CLSTN2: variants seen among roughly 807,000 people sequenced by gnomAD.
CLSTN2 encodes the protein calsyntenin 2.
CLSTN2 carries 48 observed loss-of-function variants against 101.2 expected under a neutral mutation model. The observed-to-expected ratio is 0.47, with a 90% CI of 0.38 to 0.60. The LOEUF (loss-of-function observed/expected upper bound fraction) is 0.60. Among genes scored for constraint, CLSTN2 ranks in the 20% least tolerant of loss-of-function variants. The pLI is 0.00. For missense variants in CLSTN2, 1,160 were observed against 1,238.2 expected, an observed-to-expected ratio of 0.94 and a Z score of 0.95; for synonymous variants, 481 against 463.6, an observed-to-expected ratio of 1.04 and a Z score of -0.48.
intron 2 of CLSTN2, among the ~76,000 whole-genome samples, chr3:140,334,088 C>T (rs1188647516): frequency 6.6e-6 from 1 of 152,162 alleles, no homozygotes; most frequent in African/African-American, 2.4e-5. Flanking sequence ...TTGGATATAG[C>T]TGCTTAACTT....
rs144431766 is a variant in CLSTN2, at chr3:140,538,480, G to A, written c.1507+5994G>A. On this transcript the variant is annotated intron_variant, in intron 9 of 16. Transcript: ENST00000458420. ...AGGAAGGGTCAAAAAGGGATAAGAA[G>A]GCAGAAATAACCCCTGAGAGTTGCA... Among the ~76,000 whole-genome samples the A allele has an allele frequency of 4.1e-4, 62 of 152,302 alleles. 1 individual carries two copies. In the East Asian group the frequency reaches 0.011, roughly 28 times the overall value.
chr3:140,402,969 C>T (rs1490869523), intron 2 of CLSTN2, among the ~76,000 whole-genome samples: 1 of 152,094 alleles, frequency 6.6e-6, no homozygotes, highest in Non-Finnish European at 1.5e-5. Context: ...AAATTTTCAG[C>T]ACTTCCCAAG....
chr3:140,463,852 G>A (rs1576582237), intron 7 of CLSTN2, among the ~76,000 whole-genome samples: 1 of 152,344 alleles, frequency 6.6e-6, no homozygotes, highest in South Asian at 2.1e-4. Flanking sequence ...AGGAAGAGGG[G>A]TCCCAGTAGC....
chr3:140,405,127 C>T (rs1426177175), intron 4 of CLSTN2, among the ~76,000 whole-genome samples: 1 of 152,144 alleles, frequency 6.6e-6, no homozygotes, highest in Non-Finnish European at 1.5e-5. Context: ...GGGTCCGTTT[C>T]CTATGTAATA....
chr3:140,358,542 T>A (rs920785655), intron 2 of CLSTN2, among the ~76,000 whole-genome samples: 1 of 152,148 alleles, frequency 6.6e-6, no homozygotes, highest in African/African-American at 2.4e-5. Flanking sequence ...CTTTCAGCCA[T>A]GGAAATGTGA....
intron 5 of CLSTN2, among the ~76,000 whole-genome samples, chr3:140,441,498 G>A (rs942452850): frequency 2.0e-5 from 3 of 152,222 alleles, no homozygotes; most frequent in Admixed American, 6.5e-5. Flanking sequence ...ATGTAGTTAT[G>A]CTGTTTTCCC....
At chr3:140,058,703 C>A (rs2008142485) in intron 1 of CLSTN2, among the ~76,000 whole-genome samples, 1 of 150,844 alleles carries the variant, frequency 6.6e-6, no homozygotes, top group Non-Finnish European at 1.5e-5. Context: ...GGGAGATATG[C>A]AAAATTTTGT....
At chr3:139,947,284 A>G (rs73867236) in intron 1 of CLSTN2, among the ~76,000 whole-genome samples, 5,539 of 152,312 alleles carry the variant, frequency 0.036, 314 homozygotes, top group African/African-American at 0.12. Flanking sequence ...CCTCCCAGCC[A>G]ACATGCAAGG....
chr3:140,326,182 C>T (rs752515245), intron 2 of CLSTN2, among the ~76,000 whole-genome samples: 28 of 152,262 alleles, frequency 1.8e-4, no homozygotes, highest in Non-Finnish European at 3.5e-4. Context: ...CTCTTTTGAG[C>T]CTTGAATACT....
At chr3:140,563,262 AT>A (rs1935954915) in intron 15 of CLSTN2, 59 bp downstream of exon 15, 1 of 1,577,284 alleles carries the variant, frequency 6.3e-7, no homozygotes, top group Non-Finnish European at 8.7e-7. Context: ...ACTCAAGATT[AT>A]CTACTCAACA....
intron 1 of CLSTN2, among the ~76,000 whole-genome samples, chr3:140,093,657 A>G (rs755144793): frequency 3.9e-5 from 6 of 152,116 alleles, no homozygotes; most frequent in Non-Finnish European, 5.9e-5. Flanking sequence ...GGGGTGGGGA[A>G]AAACCATGGT....
rs60541490 is a variant in CLSTN2 at position 139,998,336 on chromosome 3, C to CTTTTTTTTTTTTTTTTTTTTTTT, written c.109+62873_109+62874insTTTTTTTTTTTTTTTTTTTTTTT. Reference sequence around the variant, plus strand: ...ATGGGATAATAGTTCCCCCACATGCCTTTTTTTTTTTTTTTTTTTTGTGAC... The same window carrying CTTTTTTTTTTTTTTTTTTTTTTT: ...ATGGGATAATAGTTCCCCCACATGCCTTTTTTTTTTTTTTTTTTTTTTTTTTTTTTTTTTTTTTTTTTTGTGAC... On this transcript the variant is annotated intron_variant, in intron 1 of 16. Coordinates refer to ENST00000458420, the MANE Select transcript of CLSTN2 (RefSeq NM_022131.3). Among the ~76,000 whole-genome samples, 159 of 66,802 alleles carry CTTTTTTTTTTTTTTTTTTTTTTT rather than the reference C, an allele frequency of 2.4e-3. 19 individuals carry two copies. The highest frequency in any genetic ancestry group is 2.9e-3 in the South Asian group (4 of 1,364). 43.8% of individuals were successfully genotyped at this position (66,802 alleles called of 152,430 possible). A position where few individuals can be genotyped will look rare whatever the true frequency, so the allele number is the denominator to read the frequency against.
chr3:140,472,689 A>G (rs2108025142), intron 8 of CLSTN2, among the ~76,000 whole-genome samples: 1 of 151,500 alleles, frequency 6.6e-6, no homozygotes, highest in Middle Eastern at 3.4e-3. Flanking sequence ...AGGGGGAAGG[A>G]TGTCCAGAAT....
intron 8 of CLSTN2, among the ~76,000 whole-genome samples, chr3:140,470,373 A>C (rs954535428): frequency 8.5e-5 from 13 of 152,206 alleles, no homozygotes; most frequent in Admixed American, 2.0e-4. Flanking sequence ...ATGCAGGGGC[A>C]CCTGGGGCTG....
rs116477632 is a variant in CLSTN2 at position 140,361,561 on chromosome 3, C to T, written c.233-42068C>T. Among the ~76,000 whole-genome samples, 548 of 152,160 alleles carry T rather than the reference C, an allele frequency of 3.6e-3. 3 individuals are homozygous for T. The highest frequency in any genetic ancestry group is 0.012 in the African/African-American group (493 of 41,506). On this transcript the variant is annotated intron_variant, in intron 2 of 16. Transcript: ENST00000458420. The stretch of plus-strand genomic sequence containing the variant: ...TAAAACTATCTTTATGCATAGAGAA[C>T]GTGAACCTGGATGTAGAAAATTCTA...
chr3:140,116,071 C>T (rs1216383301), intron 1 of CLSTN2, among the ~76,000 whole-genome samples: 1 of 152,164 alleles, frequency 6.6e-6, no homozygotes, highest in East Asian at 1.9e-4. Flanking sequence ...TTTTTGACCC[C>T]TCCCAGACTA....
At position 140,569,457 on chromosome 3, in the gene CLSTN2, G is replaced by A. The variant is rs942762895; in HGVS notation, c.*3204G>A. ...CTCAGGTGATTCAGATGACATGGAG[G>A]AGAAGTTGGAGGAGAAGATTGAAAT... On this transcript the variant is annotated 3_prime_UTR_variant, in exon 17 of 17. Transcript: ENST00000458420. 7 of 152,194 alleles carry A rather than the reference G, an allele frequency of 4.6e-5. No individual in the cohort carries two copies. Among genetic ancestry groups the A allele is most frequent in the African/African-American group, 7.2e-5 (3 of 41,438 alleles). The allele number at this position is 152,194 out of a possible 1,614,324, so 9.4% of individuals were successfully genotyped here.
At chr3:140,397,423 C>G (rs1481996590) in intron 2 of CLSTN2, among the ~76,000 whole-genome samples, 1 of 152,166 alleles carries the variant, frequency 6.6e-6, no homozygotes, top group Non-Finnish European at 1.5e-5. Context: ...AAAAACGAAT[C>G]TGAAATTGCA....
chr3:140,127,938 A>G (rs892589479), intron 1 of CLSTN2, among the ~76,000 whole-genome samples: 8 of 152,154 alleles, frequency 5.3e-5, no homozygotes, highest in Admixed American at 2.6e-4. Context: ...TGCCATCCTT[A>G]TTTAAATAAT....
Sources: allele counts gnomAD v4.1 joint callset (sites outside exome capture counted in the v4.1 genomes callset), GRCh38; gene constraint gnomAD v4.1.1; transcripts MANE v1.5; gene names NCBI Gene and HGNC (gene_info 2026-07-23, HGNC 2026-07-21).